PREB: variants seen among roughly 807,000 people sequenced by gnomAD.
PREB encodes guanine nucleotide-exchange factor SEC12.
Under a neutral mutation model 46.7 loss-of-function variants are expected in PREB, and 29 were observed. The observed-to-expected ratio is 0.62, with a 90% CI of 0.46 to 0.85. The LOEUF (loss-of-function observed/expected upper bound fraction) is 0.85. Among genes scored for constraint, PREB ranks in the 40% least tolerant of loss-of-function variants. PREB has a pLI of 0.00. For missense variants in PREB, 494 were observed against 528.4 expected, an observed-to-expected ratio of 0.93 and a Z score of 0.64; for synonymous variants, 224 against 220.1, an observed-to-expected ratio of 1.02 and a Z score of -0.16.
Position 27,132,964 on chromosome 2 carries a change from C to T in PREB, c.547-41G>A. 1 of 1,609,516 alleles carries T rather than the reference C, an allele frequency of 6.2e-7. No individual in the cohort carries two copies. The highest frequency in any genetic ancestry group is 8.5e-7 in the Non-Finnish European group (1 of 1,176,150). On this transcript the variant is annotated intron_variant, in intron 3 of 8. Coordinates refer to ENST00000260643, the MANE Select transcript of PREB (RefSeq NM_013388.6). This position sits in a 1 kb window ranked among gnomAD's most constrained non-coding sequence, Gnocchi z 4.0. Reference sequence around the variant, plus strand: ...CACCATGGTTAACTCAGGTGTCCAGCAAGTACACTGTGACTGATGCCCACG... The same window carrying T: ...CACCATGGTTAACTCAGGTGTCCAGTAAGTACACTGTGACTGATGCCCACG...
chr2:27,132,536 G>T lies in PREB; in HGVS notation c.752+67C>A. 1.9e-6 allele frequency: 3 copies of T among 1,605,816 alleles called. No homozygotes were observed. The highest frequency in any genetic ancestry group is 2.6e-6 in the Non-Finnish European group (3 of 1,175,670). On this transcript the variant is annotated intron_variant, in intron 5 of 8. Coordinates refer to ENST00000260643, the MANE Select transcript of PREB (RefSeq NM_013388.6). The surrounding 1 kb of genome is among the most constrained non-coding windows in gnomAD (Gnocchi z 4.0). ...TTCCTCCCCAGCTCTCCCATCCCCA[G>T]TCTTTTCCCTCTCCCCCACCACAGC...
chr2:27,132,390 G>C lies in PREB; in HGVS notation c.766C>G (p.Pro256Ala). 6.2e-7 allele frequency: 1 copy of C among 1,611,496 alleles called. No homozygotes were observed. Among genetic ancestry groups the C allele is most frequent in the South Asian group, 1.1e-5 (1 of 91,016 alleles). Residue 256 changes from proline (P) to alanine (A), a missense_variant, in exon 6 of 9, where the codon CCA becomes GCA. Pro to Ala is a conservative substitution (Grantham distance 27). Transcript: ENST00000260643. The surrounding 1 kb of genome is among the most constrained non-coding windows in gnomAD (Gnocchi z 4.0). ...RYQACRFGQV[P>A]DQPAGLRLFT... Reference sequence around the variant, plus strand: ...AGTCGCAGGCCAGCAGGCTGGTCTGGAACCTGCCCAAACCTGGGGGCCGGA... The same window carrying C: ...AGTCGCAGGCCAGCAGGCTGGTCTGCAACCTGCCCAAACCTGGGGGCCGGA...
Position 27,134,613 on chromosome 2 carries a change from A to T in PREB, c.-192T>A. The T allele has an allele frequency of 8.4e-6, 11 of 1,308,686 alleles. No individual in the cohort carries two copies. The highest frequency in any genetic ancestry group is 8.7e-6 in the Non-Finnish European group (9 of 1,032,586). 81.1% of individuals were successfully genotyped at this position (1,308,686 alleles called of 1,614,324 possible). A position where few individuals can be genotyped will look rare whatever the true frequency, so the allele number is the denominator to read the frequency against. ...GCCGAGCCTCAGCTCGGCTCCGTCC[A>T]AGTCGGTCTCGCAGACGCGCACTGC... On this transcript the variant is annotated 5_prime_UTR_variant, in exon 1 of 9. Coordinates refer to ENST00000260643, the MANE Select transcript of PREB (RefSeq NM_013388.6).
At position 27,133,192 on chromosome 2, in the gene PREB, C is replaced by G; in HGVS notation, c.471G>C (p.Gln157His). The change falls in exon 3 of 9, where the codon CAG becomes CAC. Residue 157 changes from glutamine to histidine, a missense_variant. By Grantham distance (24) the Gln-to-His change is conservative. Coordinates refer to ENST00000260643, the MANE Select transcript of PREB (RefSeq NM_013388.6). ...TATCGTGGTTGAAGCACACAACTTT[C>G]TGCAGTGGATCGGAGCTAAAGTCTG... ...VQTDFSSDPLQKVVCFNHDNT... is the reference protein window; with the variant it reads ...VQTDFSSDPLHKVVCFNHDNT... The G allele has an allele frequency of 6.2e-7, 1 of 1,614,224 alleles. No homozygotes were observed. Among genetic ancestry groups the G allele is most frequent in the Non-Finnish European group, 8.5e-7 (1 of 1,180,036 alleles).
intron 1 of PREB, chr2:27,134,079 T>C (rs1365819780): frequency 1.4e-6 from 1 of 705,308 alleles, no homozygotes; most frequent in East Asian, 2.8e-5. Context: ...TGCAGCTGTG[T>C]GCAGTTTTCA....
chr2:27,134,633 C>T lies in PREB; in HGVS notation c.-212G>A. ...CGTCCAAGTCGGTCTCGCAGACGCG[C>T]ACTGCGCATGCGCACCTGTCTCGCG... is the stretch of plus-strand genomic sequence containing the variant. On this transcript the variant is annotated 5_prime_UTR_variant, in exon 1 of 9. Coordinates refer to ENST00000260643, the MANE Select transcript of PREB (RefSeq NM_013388.6). The T allele has an allele frequency of 7.9e-7, 1 of 1,266,432 alleles. No homozygotes were observed. Among genetic ancestry groups the T allele is most frequent in the Non-Finnish European group, 1.0e-6 (1 of 999,198 alleles). The allele number at this position is 1,266,432 out of a possible 1,614,324, so 78.4% of individuals were successfully genotyped here.
chr2:27,134,110 C>T (rs553191567), intron 1 of PREB, 177 bp downstream of exon 1: 33 of 881,462 alleles, frequency 3.7e-5, no homozygotes, highest in Admixed American at 2.7e-4. Context: ...AAAGCCTCTC[C>T]TCCGCCCGCT....
At position 27,131,680 on chromosome 2, in the gene PREB, G is replaced by A. The variant is rs1672277978; in HGVS notation, c.1151C>T (p.Pro384Leu). 2 of 1,614,010 alleles carry A rather than the reference G, an allele frequency of 1.2e-6. No individual in the cohort carries two copies. Among genetic ancestry groups the A allele is most frequent in the African/African-American group, 1.3e-5 (1 of 75,028 alleles). Residue 384 changes from proline (P) to leucine (L), a missense_variant, in exon 8 of 9, where the codon CCC becomes CTC. Coordinates refer to ENST00000260643, the MANE Select transcript of PREB (RefSeq NM_013388.6). ...CTGCCCCAATGACTCACGCCGTGAG[G>A]GCAACAGATGCAGCTGGCAACGACT... The part of the protein sequence containing the change: ...VDSRCQLHLL[P>L]SRRSVPVWLL...
chr2:27,133,799 C>T, intron 1 of PREB, 78 bp from the exon 2 acceptor site: 1 of 1,432,188 alleles, frequency 7.0e-7, no homozygotes, highest in Non-Finnish European at 9.6e-7. Context: ...GATGTCTTAC[C>T]CCTTTGCTTT....
At chr2:27,131,536 C>T (rs764808452) in intron 8 of PREB, 28 bp from the exon 9 acceptor site, 49 of 1,598,240 alleles carry the variant, frequency 3.1e-5, no homozygotes, top group Admixed American at 5.2e-5. Context: ...AGGAGGTCAG[C>T]GGGCAAAAGG....
rs755008551 is a variant in PREB at position 27,133,098 on chromosome 2, T to C, written c.546+19A>G. 1 of 1,612,604 alleles carries C rather than the reference T, an allele frequency of 6.2e-7. No individual in the cohort carries two copies. Among genetic ancestry groups the C allele is most frequent in the Non-Finnish European group, 8.5e-7 (1 of 1,178,648 alleles). On this transcript the variant is annotated intron_variant, in intron 3 of 8. Transcript: ENST00000260643. ...TGTTGCTACTGACATTCACCCTCCC[T>C]AACCCTGCAAACCCACACCTTCCAG...
chr2:27,133,638 C>T lies in PREB; in HGVS notation c.219G>A (p.Met73Ile), dbSNP rs372388909. 33 of 1,614,230 alleles carry T rather than the reference C, an allele frequency of 2.0e-5. No individual in the cohort carries two copies. Among genetic ancestry groups the T allele is most frequent in the Non-Finnish European group, 2.7e-5 (32 of 1,180,042 alleles). ...HSHDTETRAT[M>I]NLALAGDILA... ...GGATGTCACCAGCCAGTGCCAAGTT[C>T]ATGGTGGCCCGTGTCTCTGTGTCAT... The change falls in exon 2 of 9, where the codon ATG becomes ATA. Residue 73 changes from methionine to isoleucine, a missense_variant. By Grantham distance (10) the Met-to-Ile change is conservative. Transcript: ENST00000260643.
At position 27,134,311 on chromosome 2, in the gene PREB, G is replaced by A; in HGVS notation, c.111C>T (p.Ala37=). The A allele has an allele frequency of 6.2e-7, 1 of 1,609,976 alleles. No individual in the cohort carries two copies. The highest frequency in any genetic ancestry group is 1.7e-4 in the Middle Eastern group (1 of 6,050). The part of the protein sequence containing the change: ...LLIAAGGGGA[A]KTGIKNGVHF... Reference sequence around the variant, plus strand: ...CCACGCCATTCTTTATGCCTGTCTTGGCGGCGCCTCCTCCGCCCGCAGCGA... The same window carrying A: ...CCACGCCATTCTTTATGCCTGTCTTAGCGGCGCCTCCTCCGCCCGCAGCGA... Residue 37 remains alanine, a synonymous_variant, in exon 1 of 9, where the codon GCC becomes GCT. Coordinates refer to ENST00000260643, the MANE Select transcript of PREB (RefSeq NM_013388.6).
chr2:27,131,803 C>A lies in PREB; in HGVS notation c.1028G>T (p.Gly343Val), dbSNP rs759150904. ...AAAGGCCACATCCGTCACCACAATGCCATGGGCCTCCCTCACGTAGTAGAG... is the reference window on the plus strand; with the variant it reads ...AAAGGCCACATCCGTCACCACAATGACATGGGCCTCCCTCACGTAGTAGAG... ...QCLYYVREAHGIVVTDVAFLP... is the reference protein window; with the variant it reads ...QCLYYVREAHVIVVTDVAFLP... The change falls in exon 8 of 9, where the codon GGC becomes GTC. Residue 343 changes from glycine to valine, a missense_variant. Physicochemically the swap from Gly to Val is moderately radical, Grantham distance 109 (BLOSUM62 -3). Coordinates refer to ENST00000260643, the MANE Select transcript of PREB (RefSeq NM_013388.6). 1.2e-6 allele frequency: 2 copies of A among 1,614,104 alleles called. No individual in the cohort carries two copies. Among genetic ancestry groups the A allele is most frequent in the South Asian group, 2.2e-5 (2 of 91,072 alleles).
Position 27,132,770 on chromosome 2 carries a change from C to A in PREB, c.628-43G>T. 1.2e-6 allele frequency: 2 copies of A among 1,613,778 alleles called. No homozygotes were observed. Among genetic ancestry groups the A allele is most frequent in the Non-Finnish European group, 1.7e-6 (2 of 1,179,702 alleles). ...TTCCAAGGATGGACAGTTAGGGGAT[C>A]CACTTACTGGGCAAGCAGCATAAGC... On this transcript the variant is annotated intron_variant, in intron 4 of 8. Coordinates refer to ENST00000260643, the MANE Select transcript of PREB (RefSeq NM_013388.6). This position sits in a 1 kb window ranked among gnomAD's most constrained non-coding sequence, Gnocchi z 4.0.
rs1356833611 is a variant in PREB, at chr2:27,134,472, C to T, written c.-51G>A. On this transcript the variant is annotated 5_prime_UTR_variant, in exon 1 of 9. Transcript: ENST00000260643. ...GCACCGCGGCACCCAGGACATGCCG[C>T]GCCGGGCCTTCGACTACTGCCCCGG... 4.2e-6 allele frequency: 6 copies of T among 1,434,418 alleles called. No individual in the cohort carries two copies. Among genetic ancestry groups the T allele is most frequent in the Non-Finnish European group, 5.4e-6 (6 of 1,104,348 alleles). The allele number at this position is 1,434,418 out of a possible 1,614,324, so 88.9% of individuals were successfully genotyped here.
At position 27,132,692 on chromosome 2, in the gene PREB, C is replaced by T; in HGVS notation, c.663G>A (p.Val221=). ...GTGTCACCAGCTGATCCTTCTGCCA[C>T]ACAGAGGCCTTAAGGTCCCGGCCCA... The part of the protein sequence containing the change: ...VTVGRDLKAS[V]WQKDQLVTQL... Residue 221 remains valine (V), a synonymous_variant, in exon 5 of 9, where the codon GTG becomes GTA. Coordinates refer to ENST00000260643, the MANE Select transcript of PREB (RefSeq NM_013388.6). The surrounding 1 kb of genome is among the most constrained non-coding windows in gnomAD (Gnocchi z 4.0). 7 of 1,614,122 alleles carry T rather than the reference C, an allele frequency of 4.3e-6. No homozygotes were observed. The highest frequency in any genetic ancestry group is 5.9e-6 in the Non-Finnish European group (7 of 1,180,006).
In PREB at chr2:27,132,719, G is replaced by T; in HGVS notation, c.636C>A (p.Thr212=). ...CAGAGGCCTTAAGGTCCCGGCCCAC[G>T]GTTACCAACTAGTTAGGAATAAAGA... ...LALGPDGKLV[T]VGRDLKASVW... The change falls in exon 5 of 9, where the codon ACC becomes ACA. Residue 212 remains threonine (T), a synonymous_variant. Coordinates refer to ENST00000260643, the MANE Select transcript of PREB (RefSeq NM_013388.6). The surrounding 1 kb of genome is among the most constrained non-coding windows in gnomAD (Gnocchi z 4.0). The T allele has an allele frequency of 6.2e-7, 1 of 1,614,126 alleles. No individual in the cohort carries two copies. The highest frequency in any genetic ancestry group is 8.5e-7 in the Non-Finnish European group (1 of 1,180,026).
chr2:27,134,264 C>T (rs1163852835), intron 1 of PREB, 23 bp downstream of exon 1: 1 of 1,574,460 alleles, frequency 6.4e-7, no homozygotes. Context: ...CAAGACCCAG[C>T]CCCAGTGGCC....
Sources: gnomAD v4.1 joint callset for allele counts on GRCh38, gnomAD v4.1.1 for gene constraint, Gnocchi (gnomAD v3.1) non-coding constraint, MANE v1.5 for transcripts, NCBI Gene and HGNC (gene_info 2026-07-23, HGNC 2026-07-21) for gene names.